PATJ: variants seen among roughly 807,000 people sequenced by gnomAD.
The protein encoded by PATJ is inaD-like protein.
PATJ carries 190 observed loss-of-function variants against 224.9 expected under a neutral mutation model. That is an observed-to-expected ratio of 0.84 (90% CI 0.75 to 0.95). The LOEUF is 0.95. Ranked by LOEUF, PATJ falls within the 40% of genes least tolerant of loss-of-function variation. PATJ has a pLI of 0.00. For missense variants in PATJ, 2,121 were observed against 2,270.3 expected, an observed-to-expected ratio of 0.93 and a Z score of 1.34; for synonymous variants, 769 against 820.3, an observed-to-expected ratio of 0.94 and a Z score of 1.07.
intron 30 of PATJ, among the ~76,000 whole-genome samples, chr1:62,043,760 G>C (rs80220610): frequency 0.2 from 30,603 of 151,646 alleles, 3,595 homozygotes; most frequent in Middle Eastern, 0.28. Context: ...ACAGGATCTC[G>C]CTCTGTTGCC....
chr1:61,971,121 G>A (rs1682914094), intron 27 of PATJ, among the ~76,000 whole-genome samples: 1 of 151,976 alleles, frequency 6.6e-6, no homozygotes, highest in Non-Finnish European at 1.5e-5. Context: ...GGTAAAGGCA[G>A]GCAAGATAAT....
intron 31 of PATJ, among the ~76,000 whole-genome samples, chr1:62,066,370 G>C (rs1656421524): frequency 4.0e-5 from 6 of 151,496 alleles, no homozygotes; most frequent in Admixed American, 3.9e-4. Context: ...GAAGGACAAG[G>C]TAACGTGCTG....
Position 61,861,588 on chromosome 1 carries a change from C to T in PATJ, c.2360C>T (p.Ser787Leu), listed in dbSNP as rs751135790. ...GAAGAAAGTTGTTATATTTTACATT[C>T]AAGCAGTAATGAAGACAAGACTGAA... ...NEEESCYILH[S>L]SSNEDKTEFS... Residue 787 changes from serine (S) to leucine (L), a missense_variant, in exon 19 of 44, where the codon TCA (serine) becomes TTA (leucine). Ser to Leu is a moderately radical substitution (Grantham distance 145). Transcript: ENST00000642238. 1 of 1,471,022 alleles carries T rather than the reference C, an allele frequency of 6.8e-7. No homozygotes were observed. The highest frequency in any genetic ancestry group is 1.5e-5 in the African/African-American group (1 of 68,336). The allele number at this position is 1,471,022 out of a possible 1,614,324, so 91.1% of individuals were successfully genotyped here.
intron 21 of PATJ, among the ~76,000 whole-genome samples, chr1:61,877,043 G>A (rs1667429330): frequency 6.6e-6 from 1 of 152,294 alleles, no homozygotes; most frequent in South Asian, 2.1e-4. Flanking sequence ...CGAAGACTGG[G>A]TTGTGCCATT....
intron 43 of PATJ, among the ~76,000 whole-genome samples, chr1:62,159,884 C>T (rs1172973284): frequency 6.6e-6 from 1 of 152,092 alleles, no homozygotes; most frequent in East Asian, 1.9e-4. Context: ...TTAGAAATTC[C>T]ACCATTCTCA....
At chr1:61,751,891 C>T (rs1441424054) in intron 1 of PATJ, among the ~76,000 whole-genome samples, 2 of 152,014 alleles carry the variant, frequency 1.3e-5, no homozygotes, top group East Asian at 3.9e-4. Flanking sequence ...GTAATCCCAG[C>T]ACTTTGGGAG....
intron 7 of PATJ, among the ~76,000 whole-genome samples, chr1:61,784,775 T>C (rs1648146961): frequency 6.6e-6 from 1 of 152,240 alleles, no homozygotes; most frequent in Non-Finnish European, 1.5e-5. Context: ...TAGTTGCTTA[T>C]GTTGTTTCAA....
intron 1 of PATJ, among the ~76,000 whole-genome samples, chr1:61,752,633 C>A (rs191473996): frequency 3.9e-4 from 59 of 152,166 alleles, no homozygotes; most frequent in Admixed American, 3.5e-3. Context: ...GCCTTCATTT[C>A]TTTTTTAAAA....
At chr1:61,982,693 A>C (rs76218064) in intron 27 of PATJ, among the ~76,000 whole-genome samples, 1 of 150,858 alleles carries the variant, frequency 6.6e-6, no homozygotes, top group East Asian at 2.0e-4. Context: ...GAGAAAAAAA[A>C]TTGAACTATA....
chr1:61,743,533 C>G (rs1041928024), intron 1 of PATJ, among the ~76,000 whole-genome samples: 3 of 152,268 alleles, frequency 2.0e-5, no homozygotes, highest in Non-Finnish European at 2.9e-5. Context: ...AAGGCAGAAG[C>G]CTTTGGAAAC....
intron 27 of PATJ, among the ~76,000 whole-genome samples, chr1:61,944,419 C>T (rs1678338309): frequency 6.6e-6 from 1 of 152,104 alleles, no homozygotes; most frequent in South Asian, 2.1e-4. Flanking sequence ...ACGAGAAGTA[C>T]GTGACGAATG....
At chr1:61,910,720 A>AT (rs970669971) in intron 25 of PATJ, among the ~76,000 whole-genome samples, 8 of 150,264 alleles carry the variant, frequency 5.3e-5, no homozygotes, top group African/African-American at 1.9e-4. Context: ...CTAGTTTTTG[A>AT]TTTTTTTCCC....
chr1:62,058,882 C>T (rs1654973428), intron 31 of PATJ, among the ~76,000 whole-genome samples: 1 of 152,104 alleles, frequency 6.6e-6, no homozygotes, highest in South Asian at 2.1e-4. Context: ...CAGATTCAGC[C>T]CACAAATGTG....
At chr1:62,088,668 T>G (rs1284448165) in intron 33 of PATJ, among the ~76,000 whole-genome samples, 2 of 152,076 alleles carry the variant, frequency 1.3e-5, no homozygotes, top group Non-Finnish European at 2.9e-5. Flanking sequence ...CATAGGATGT[T>G]TAGCACACAG....
At chr1:61,757,467 C>T (rs1342825534) in intron 1 of PATJ, among the ~76,000 whole-genome samples, 3 of 152,138 alleles carry the variant, frequency 2.0e-5, no homozygotes, top group African/African-American at 7.2e-5. Context: ...TCACTGCAGC[C>T]TCAACCTTCC....
chr1:62,080,868 G>T (rs777273940), intron 32 of PATJ, among the ~76,000 whole-genome samples: 2 of 152,014 alleles, frequency 1.3e-5, no homozygotes, highest in Non-Finnish European at 2.9e-5. Flanking sequence ...AAACTATGGC[G>T]CATGGGTCAA....
At chr1:62,045,744 G>A (rs981351208) in intron 30 of PATJ, among the ~76,000 whole-genome samples, 1 of 152,202 alleles carries the variant, frequency 6.6e-6, no homozygotes, top group Non-Finnish European at 1.5e-5. Context: ...CCGTCAGCCA[G>A]ATGGTCCTCA....
At position 62,038,013 on chromosome 1, in the gene PATJ, C is replaced by G. The variant is rs770888937; in HGVS notation, c.3996C>G (p.Pro1332=). The part of the protein sequence containing the change: ...EDAVNQMAVT[P]FPVPSSSPSS... Reference sequence around the variant, plus strand: ...CAGTCAATCAGATGGCCGTTACTCCCTTTCCAGTGCCATCAAGTTCTCCAT... The same window carrying G: ...CAGTCAATCAGATGGCCGTTACTCCGTTTCCAGTGCCATCAAGTTCTCCAT... Residue 1332 remains proline (P), a synonymous_variant, in exon 30 of 44, where the codon CCC becomes CCG. Transcript: ENST00000642238. The G allele has an allele frequency of 4.4e-5, 71 of 1,601,352 alleles. No homozygotes were observed. Among genetic ancestry groups the G allele is most frequent in the Non-Finnish European group, 5.7e-5 (67 of 1,173,026 alleles).
At chr1:61,884,594 T>C (rs890160521) in intron 22 of PATJ, among the ~76,000 whole-genome samples, 186 bp downstream of exon 22, 1 of 152,142 alleles carries the variant, frequency 6.6e-6, no homozygotes, top group East Asian at 1.9e-4. Flanking sequence ...TTGCCATATG[T>C]ACAATTTTGT....
Sources: gnomAD v4.1 joint callset for allele counts (sites outside exome capture counted in the v4.1 genomes callset) on GRCh38, gnomAD v4.1.1 for gene constraint, MANE v1.5 for transcripts, NCBI Gene and HGNC (gene_info 2026-07-23, HGNC 2026-07-21) for gene names.